ALG12: variants seen among roughly 807,000 people sequenced by gnomAD.
The protein encoded by ALG12 is ALG12 alpha-1,6-mannosyltransferase.
A neutral mutation model predicts 46.0 loss-of-function variants in ALG12; 36 were observed. The observed-to-expected ratio is 0.78, with a 90% CI of 0.60 to 1.03. The LOEUF (loss-of-function observed/expected upper bound fraction) is 1.03. Ranked by LOEUF, ALG12 falls within the 50% of genes least tolerant of loss-of-function variation. ALG12 has a pLI of 0.00. For synonymous variants in ALG12, 326 were observed against 291.6 expected (o/e 1.12, Z -1.20); for missense variants, 599 against 633.5 (o/e 0.95, Z 0.58).
chr22:49,884,527 G>C, the ALG12 span: 2 of 1,614,030 alleles, frequency 1.2e-6, no homozygotes, highest in Non-Finnish European at 1.7e-6. Context: ...GAGAAGGTCC[G>C]CTGTCTGGAA....
Position 49,905,169 on chromosome 22 carries a change from A to C in ALG12, c.993-663T>G, listed in dbSNP as rs186395402. ...GCCGCCGGTTCTCTCACAATCGACT[A>C]TGCCAATCTCAGGATCCTACGGCAG... On this transcript the variant is annotated intron_variant, in intron 7 of 9. Transcript: ENST00000330817. This position sits in a 1 kb window ranked among gnomAD's most constrained non-coding sequence, Gnocchi z 4.9. 6.6e-6 allele frequency among the ~76,000 whole-genome samples: 1 copy of C among 152,184 alleles called. No individual in the cohort carries two copies. Among genetic ancestry groups the C allele is most frequent in the South Asian group, 2.1e-4 (1 of 4,830 alleles).
downstream of ALG12, among the ~76,000 whole-genome samples, chr22:49,896,203 T>C (rs1368268783): frequency 1.3e-5 from 2 of 152,378 alleles, no homozygotes; most frequent in Admixed American, 6.5e-5. Context: ...TCTGGGGTGC[T>C]GACAACAGGG....
the ALG12 span, chr22:49,884,319 C>T: frequency 2.4e-5 from 39 of 1,613,696 alleles, no homozygotes; most frequent in Admixed American, 1.7e-5. Flanking sequence ...TCCCGTCCCC[C>T]GATCGAATAA....
chr22:49,904,114 T>G (rs776631564), intron 9 of ALG12, 48 bp from the exon 10 acceptor site: 26 of 1,613,936 alleles, frequency 1.6e-5, no homozygotes, highest in Non-Finnish European at 2.0e-5. Flanking sequence ...CACATCGCCC[T>G]GTCCCCCGCC....
At chr22:49,897,927 A>G (rs11702890), downstream of ALG12, among the ~76,000 whole-genome samples, 2 of 151,986 alleles carry the variant, frequency 1.3e-5, no homozygotes, top group South Asian at 4.1e-4. Context: ...CCATAGTGCT[A>G]GGATTACAGG....
chr22:49,914,977 C>A (rs1190535112), intron 1 of ALG12, among the ~76,000 whole-genome samples: 2 of 152,242 alleles, frequency 1.3e-5, no homozygotes, highest in East Asian at 3.9e-4. Context: ...CATCTTCCTA[C>A]CTTGGCCTCC....
At chr22:49,911,971 G>A (rs1432330958) in intron 3 of ALG12, among the ~76,000 whole-genome samples, 1 of 152,192 alleles carries the variant, frequency 6.6e-6, no homozygotes, top group Admixed American at 6.5e-5. Context: ...TCGGCCTCAC[G>A]ATCAGCCTCG....
At position 49,903,743 on chromosome 22, in the gene ALG12, C is replaced by G; in HGVS notation, c.*95G>C. The G allele has an allele frequency of 6.9e-7, 1 of 1,441,666 alleles. No individual in the cohort carries two copies. The highest frequency in any genetic ancestry group is 9.7e-7 in the Non-Finnish European group (1 of 1,032,594). The allele number at this position is 1,441,666 out of a possible 1,614,324, so 89.3% of individuals were successfully genotyped here. A position where few individuals can be genotyped will look rare whatever the true frequency, so the allele number is the denominator to read the frequency against. On this transcript the variant is annotated 3_prime_UTR_variant, in exon 10 of 10. Transcript: ENST00000330817. ...GTGCCCAGTCCTTTGACTTGCTTCT[C>G]TGAATTGTCATAATTGTGCTGGAAT...
the ALG12 span, among the ~76,000 whole-genome samples, chr22:49,871,759 T>A: frequency 5.3e-4 from 8 of 15,096 alleles, no homozygotes; most frequent in Non-Finnish European, 9.6e-4. Context: ...ATTTATTTAT[T>A]TTTTTTTTTT....
the ALG12 span, among the ~76,000 whole-genome samples, chr22:49,863,694 A>G: frequency 6.6e-6 from 1 of 152,108 alleles, no homozygotes; most frequent in African/African-American, 2.4e-5. Flanking sequence ...ATGAACTATT[A>G]AAGATAAACC....
At chr22:49,871,636 G>T in the ALG12 span, among the ~76,000 whole-genome samples, 4 of 152,144 alleles carry the variant, frequency 2.6e-5, no homozygotes, top group African/African-American at 9.7e-5. Flanking sequence ...CATAATCTCA[G>T]CTGGGAGGAG....
the ALG12 span, among the ~76,000 whole-genome samples, chr22:49,869,189 C>T: frequency 6.6e-6 from 1 of 151,498 alleles, no homozygotes; most frequent in African/African-American, 2.4e-5. Flanking sequence ...ATCTCAGGGT[C>T]AGGGCAGAGT....
At chr22:49,886,719 G>C in the ALG12 span, 41 of 1,613,302 alleles carry the variant, frequency 2.5e-5, no homozygotes, top group Middle Eastern at 1.3e-3. The surrounding 1 kb of genome is among the most constrained non-coding windows in gnomAD (Gnocchi z 7.7). Flanking sequence ...TGTTTACGGA[G>C]GAGGAGGCGG....
At chr22:49,863,625 CAAA>C in the ALG12 span, among the ~76,000 whole-genome samples, 5 of 94,282 alleles carry the variant, frequency 5.3e-5, no homozygotes, top group African/African-American at 6.2e-5. Context: ...GACTCCGTCT[CAAA>C]AAAAAAAAAA....
chr22:49,899,320 C>T (rs1276240491), downstream of ALG12, among the ~76,000 whole-genome samples: 1 of 151,260 alleles, frequency 6.6e-6, no homozygotes, highest in African/African-American at 2.4e-5. Flanking sequence ...ACTAAAAATA[C>T]AAAAAAAATT....
At chr22:49,876,252 G>A in the ALG12 span, among the ~76,000 whole-genome samples, 19 of 152,118 alleles carry the variant, frequency 1.2e-4, no homozygotes, top group African/African-American at 1.7e-4. Flanking sequence ...TGTGTATTCC[G>A]TTGTTGTTGG....
At position 49,904,513 on chromosome 22, in the gene ALG12, A is replaced by G. The variant is rs752762564; in HGVS notation, c.993-7T>C. On this transcript the variant is annotated splice_polypyrimidine_tract_variant and splice_region_variant and intron_variant, in intron 7 of 9. Coordinates refer to ENST00000330817, the MANE Select transcript of ALG12 (RefSeq NM_024105.4). Reference sequence around the variant, plus strand: ...CTTTTTATAGTTATTCAGCCTGAAAAAAGAATGGTTACACATCATAGGCAG... The same window carrying G: ...CTTTTTATAGTTATTCAGCCTGAAAGAAGAATGGTTACACATCATAGGCAG... 6.2e-7 allele frequency: 1 copy of G among 1,614,178 alleles called. No homozygotes were observed. The highest frequency in any genetic ancestry group is 8.5e-7 in the Non-Finnish European group (1 of 1,180,022).
chr22:49,891,932 A>G, the ALG12 span, among the ~76,000 whole-genome samples: 2 of 152,170 alleles, frequency 1.3e-5, no homozygotes, highest in Non-Finnish European at 2.9e-5. Context: ...TATCAGACCA[A>G]ACCTTTCCCA....
At chr22:49,904,119 C>G in intron 9 of ALG12, 53 bp from the exon 10 acceptor site, 1 of 1,614,062 alleles carries the variant, frequency 6.2e-7, no homozygotes, top group East Asian at 2.2e-5. Flanking sequence ...CGCCCTGTCC[C>G]CCGCCCCCAA....
Sources: gnomAD v4.1 joint callset for allele counts (sites outside exome capture counted in the v4.1 genomes callset) on GRCh38, gnomAD v4.1.1 for gene constraint, Gnocchi (gnomAD v3.1) non-coding constraint, MANE v1.5 for transcripts, NCBI Gene and HGNC (gene_info 2026-07-23, HGNC 2026-07-21) for gene names.